ARPP21: variants seen among roughly 807,000 people sequenced by gnomAD.
ARPP21 encodes cAMP regulated phosphoprotein 21.
In ARPP21, 69 loss-of-function variants were observed where a neutral mutation model predicts 113.2. The observed-to-expected ratio is 0.61, with a 90% CI of 0.50 to 0.74. The LOEUF (loss-of-function observed/expected upper bound fraction) is 0.74. Ranked by LOEUF, ARPP21 falls within the 30% of genes least tolerant of loss-of-function variation. The probability of loss-of-function intolerance (pLI) is 0.00; values close to 1 mark genes in which losing one functional copy is unlikely to be tolerated. For missense variants in ARPP21, 1,070 were observed against 1,037.4 expected (o/e 1.03, Z -0.43); for synonymous variants, 368 against 375.5 (o/e 0.98, Z 0.23).
upstream of ARPP21, chr3:35,639,440 C>G (rs1288218576): frequency 2.0e-5 from 3 of 152,042 alleles, no homozygotes; most frequent in Non-Finnish European, 4.4e-5. The surrounding 1 kb of genome is among the most constrained non-coding windows in gnomAD (Gnocchi z 5.0). Flanking sequence ...GGGGACCGGA[C>G]GCATCCGGAG....
chr3:35,699,741 A>G (rs2085548396), intron 9 of ARPP21, among the ~76,000 whole-genome samples: 1 of 151,752 alleles, frequency 6.6e-6, no homozygotes, highest in Non-Finnish European at 1.5e-5. Context: ...GTAAGTCTGT[A>G]CCTTCACTGG....
At chr3:35,708,823 A>G (rs1304465309) in intron 10 of ARPP21, 146 bp from the exon 11 acceptor site, 2 of 636,966 alleles carry the variant, frequency 3.1e-6, no homozygotes, top group African/African-American at 3.7e-5. Context: ...CACCCAACAC[A>G]GCCTCCTCAG....
chr3:35,680,191 A>G (rs1240237699), intron 2 of ARPP21, among the ~76,000 whole-genome samples: 1 of 151,910 alleles, frequency 6.6e-6, no homozygotes, highest in African/African-American at 2.4e-5. Context: ...TTAGGGCAAC[A>G]GAAGTCCCCT....
chr3:35,782,835 C>T (rs2096553441), intron 19 of ARPP21, among the ~76,000 whole-genome samples: 1 of 152,172 alleles, frequency 6.6e-6, no homozygotes, highest in Non-Finnish European at 1.5e-5. Flanking sequence ...CTCCCTCTGG[C>T]TCTCTGCTCC....
chr3:35,763,556 A>G (rs1197436632), intron 19 of ARPP21, among the ~76,000 whole-genome samples: 1 of 152,138 alleles, frequency 6.6e-6, no homozygotes, highest in African/African-American at 2.4e-5. Context: ...GCTATTATCT[A>G]ATCCCATGGA....
intron 19 of ARPP21, among the ~76,000 whole-genome samples, chr3:35,777,472 T>C (rs909052134): frequency 2.0e-5 from 3 of 152,170 alleles, no homozygotes; most frequent in Non-Finnish European, 4.4e-5. Flanking sequence ...AAAGCAAAAA[T>C]TCCTTAGATT....
intron 19 of ARPP21, among the ~76,000 whole-genome samples, chr3:35,786,273 C>T (rs972029858): frequency 1.3e-5 from 2 of 152,086 alleles, no homozygotes; most frequent in African/African-American, 2.4e-5. Flanking sequence ...CCTGTAATCC[C>T]GGCACTTTGG....
At chr3:35,732,481 C>A (rs2094054500) in intron 15 of ARPP21, among the ~76,000 whole-genome samples, 2 of 152,152 alleles carry the variant, frequency 1.3e-5, no homozygotes, top group Admixed American at 6.5e-5. Context: ...TCAAAGTTGT[C>A]CCTGTATAAC....
intron 19 of ARPP21, among the ~76,000 whole-genome samples, chr3:35,748,988 T>G (rs926125107): frequency 1.3e-5 from 2 of 152,036 alleles, no homozygotes; most frequent in African/African-American, 4.8e-5. Flanking sequence ...ACGTGACTGG[T>G]TTTAAGCCCA....
At chr3:35,660,608 C>T (rs541957425) in intron 1 of ARPP21, among the ~76,000 whole-genome samples, 43 of 152,296 alleles carry the variant, frequency 2.8e-4, no homozygotes, top group African/African-American at 1.0e-3. Context: ...TTGCTTCTAA[C>T]TCTCAAGTGT....
At position 35,711,518 on chromosome 3, in the gene ARPP21, A is replaced by C. The variant is rs142730700; in HGVS notation, c.897+2448A>C. 7.9e-5 allele frequency among the ~76,000 whole-genome samples: 12 copies of C among 152,314 alleles called. No homozygotes were observed. The East Asian group carries it at 2.3e-3, about 29-fold the overall frequency. On this transcript the variant is annotated intron_variant, in intron 11 of 20. Transcript: ENST00000684406. ...AGCTATTTGTTGCCTTATAACAAAA[A>C]ATTCCAAAATTTGGCAGCTGAAAAC...
intron 18 of ARPP21, among the ~76,000 whole-genome samples, chr3:35,740,919 G>T (rs2094616881): frequency 6.6e-6 from 1 of 151,816 alleles, no homozygotes; most frequent in Non-Finnish European, 1.5e-5. Context: ...ACAATATAGG[G>T]AGACTTCATC....
At chr3:35,711,324 A>G (rs1314936885) in intron 11 of ARPP21, among the ~76,000 whole-genome samples, 1 of 152,164 alleles carries the variant, frequency 6.6e-6, no homozygotes, top group Non-Finnish European at 1.5e-5. Context: ...ACACGTGTGC[A>G]TTTTTTAAAG....
intron 14 of ARPP21, among the ~76,000 whole-genome samples, chr3:35,725,572 T>C (rs916533664): frequency 1.3e-5 from 2 of 152,322 alleles, no homozygotes; most frequent in Middle Eastern, 3.4e-3. Context: ...TCCTTCCTCC[T>C]TGGGAAGTAT....
chr3:35,662,327 A>C (rs1202607938), intron 1 of ARPP21, among the ~76,000 whole-genome samples: 1 of 152,210 alleles, frequency 6.6e-6, no homozygotes, highest in Non-Finnish European at 1.5e-5. Context: ...CAATGGCTTA[A>C]AGCAAAATGG....
chr3:35,677,813 G>A (rs1468508520), intron 1 of ARPP21, among the ~76,000 whole-genome samples: 3 of 151,952 alleles, frequency 2.0e-5, no homozygotes, highest in Admixed American at 2.0e-4. Context: ...AATGGCAGTG[G>A]AAGAGTCCGG....
chr3:35,671,069 C>G lies in ARPP21; in HGVS notation c.-212-8718C>G, dbSNP rs957050183. Reference sequence around the variant, plus strand: ...TTTCATATGCCATACATTTGCTGTACCAGAGTCTCTGTAAAGGCACATAGC... The same window carrying G: ...TTTCATATGCCATACATTTGCTGTAGCAGAGTCTCTGTAAAGGCACATAGC... On this transcript the variant is annotated intron_variant, in intron 1 of 20. Coordinates refer to ENST00000684406, the MANE Select transcript of ARPP21 (RefSeq NM_001385562.1). Among the ~76,000 whole-genome samples the G allele has an allele frequency of 7.9e-5, 12 of 152,240 alleles. 1 individual carries two copies. The highest frequency in any genetic ancestry group is 7.9e-4 in the Admixed American group (12 of 15,278).
chr3:35,706,546 G>A (rs780124724), intron 9 of ARPP21, among the ~76,000 whole-genome samples: 1 of 152,182 alleles, frequency 6.6e-6, no homozygotes, highest in Non-Finnish European at 1.5e-5. Context: ...TAAAAGGGAA[G>A]ATGTGATAGA....
intron 1 of ARPP21, among the ~76,000 whole-genome samples, chr3:35,661,771 C>T (rs1047650270): frequency 6.6e-6 from 1 of 152,088 alleles, no homozygotes; most frequent in Non-Finnish European, 1.5e-5. Flanking sequence ...ATTGTGTTAC[C>T]TTGGGCAAGT....
Sources: allele counts gnomAD v4.1 joint callset (sites outside exome capture counted in the v4.1 genomes callset), GRCh38; gene constraint gnomAD v4.1.1; non-coding constraint Gnocchi (gnomAD v3.1); transcripts MANE v1.5; gene names NCBI Gene and HGNC (gene_info 2026-07-23, HGNC 2026-07-21).